Variants in GPSM1 observed in about 807,000 individuals in gnomAD.
GPSM1 encodes the protein G protein signaling modulator 1.
In GPSM1, 48 loss-of-function variants were observed where a neutral mutation model predicts 70.5. The ratio of observed to expected loss-of-function variants is 0.68; its 90% CI spans 0.54 to 0.87. The LOEUF is 0.87. Among genes scored for constraint, GPSM1 ranks in the 40% least tolerant of loss-of-function variants. The pLI is 0.00. For missense variants in GPSM1, 981 were observed against 972.6 expected, an observed-to-expected ratio of 1.01 and a Z score of -0.11; for synonymous variants, 416 against 430.1, an observed-to-expected ratio of 0.97 and a Z score of 0.41.
Position 136,334,567 on chromosome 9 carries a change from G to A in GPSM1, c.189G>A (p.Lys63=), listed in dbSNP as rs782268281. ...AAVQVGTEDL[K]TLSAIYSQLG... is the part of the protein sequence containing the mutation. ...TGCAGGTGGGCACCGAGGACCTGAAGACACTGAGTGCCATCTACAGCCAGC... is the reference window on the plus strand; with the variant it reads ...TGCAGGTGGGCACCGAGGACCTGAAAACACTGAGTGCCATCTACAGCCAGC... The change falls in exon 2 of 14, where the codon AAG becomes AAA. Residue 63 remains lysine, a synonymous_variant. Coordinates refer to ENST00000440944, the MANE Select transcript of GPSM1 (RefSeq NM_001145638.3). The A allele has an allele frequency of 1.9e-6, 3 of 1,613,418 alleles. No individual in the cohort carries two copies. Among genetic ancestry groups the A allele is most frequent in the Non-Finnish European group, 1.7e-6 (2 of 1,179,996 alleles).
intron 9 of GPSM1, among the ~76,000 whole-genome samples, chr9:136,344,167 G>A (rs1832461859): frequency 6.7e-6 from 1 of 148,424 alleles, no homozygotes; most frequent in African/African-American, 2.5e-5. Context: ...GACAGGATCG[G>A]GGGGAGGCGC....
chr9:136,331,661 A>G (rs1832103387), intron 1 of GPSM1, among the ~76,000 whole-genome samples: 1 of 152,178 alleles, frequency 6.6e-6, no homozygotes, highest in Non-Finnish European at 1.5e-5. Context: ...CCCCGCTGGG[A>G]ACTGGATAAA....
chr9:136,356,220 A>T (rs1432594498), intron 12 of GPSM1, 122 bp from the exon 13 acceptor site: 2 of 777,590 alleles, frequency 2.6e-6, no homozygotes, highest in African/African-American at 3.5e-5. Context: ...CCCAGGAGCC[A>T]TGGCCCCAGC....
chr9:136,340,734 G>A lies in GPSM1; in HGVS notation c.1084-136G>A. 7.9e-7 allele frequency: 1 copy of A among 1,265,624 alleles called. No individual in the cohort carries two copies. Among genetic ancestry groups the A allele is most frequent in the Admixed American group, 2.9e-5 (1 of 35,038 alleles). The allele number at this position is 1,265,624 out of a possible 1,614,324, so 78.4% of individuals were successfully genotyped here. ...CACAGTGAGTCCTGGTTCCCTCAGA[G>A]GCCCAGGGGTCAGTGACCAGTTCAG... On this transcript the variant is annotated intron_variant, in intron 8 of 13. Transcript: ENST00000440944. The surrounding 1 kb of genome is among the most constrained non-coding windows in gnomAD (Gnocchi z 7.3).
rs781931180 is a variant in GPSM1 at position 136,340,872 on chromosome 9, C to T, written c.1086C>T (p.Ile362=). ...AKKHLQISQE[I]GDRHGELTAR... is the part of the protein sequence containing the mutation. ...CTCCGCCACCCCACTCGCCGCAGAT[C>T]GGGGACCGCCATGGGGAGCTCACGG... The change falls in exon 9 of 14, where the codon ATC becomes ATT. Residue 362 remains isoleucine (I), a splice_region_variant and synonymous_variant. Coordinates refer to ENST00000440944, the MANE Select transcript of GPSM1 (RefSeq NM_001145638.3). This position sits in a 1 kb window ranked among gnomAD's most constrained non-coding sequence, Gnocchi z 7.3. 3.1e-5 allele frequency: 48 copies of T among 1,570,458 alleles called. No homozygotes were observed. The highest frequency in any genetic ancestry group is 2.8e-4 in the African/African-American group (21 of 73,966).
At position 136,341,650 on chromosome 9, in the gene GPSM1, G is replaced by A. The variant is rs879974164; in HGVS notation, c.1207+657G>A. The A allele has an allele frequency of 2.8e-4, 283 of 1,002,664 alleles. No homozygotes were observed. The highest frequency in any genetic ancestry group is 3.2e-4 in the Non-Finnish European group (269 of 839,808). 62.1% of individuals were successfully genotyped at this position (1,002,664 alleles called of 1,614,324 possible). ...TGGGGGGAGCAGCTGCCCCACCCATGTGTCCCCCACTCCCAAAGGTCTTGA... is the reference window on the plus strand; with the variant it reads ...TGGGGGGAGCAGCTGCCCCACCCATATGTCCCCCACTCCCAAAGGTCTTGA... On this transcript the variant is annotated intron_variant, in intron 9 of 13. Transcript: ENST00000440944. The surrounding 1 kb of genome is among the most constrained non-coding windows in gnomAD (Gnocchi z 6.7).
Position 136,336,751 on chromosome 9 carries a change from G to A in GPSM1, c.427-170G>A, listed in dbSNP as rs571315056. 1.4e-4 allele frequency among the ~76,000 whole-genome samples: 22 copies of A among 152,248 alleles called. No homozygotes were observed. The South Asian group carries it at 3.7e-3, about 26-fold the overall frequency. The stretch of plus-strand genomic sequence containing the variant: ...GAGGGAGGGCGGAGGCTGGCTTCCC[G>A]GGTGTGCCGTCCTCAGGCTTCCGCC... On this transcript the variant is annotated intron_variant, in intron 3 of 13. Transcript: ENST00000440944.
At position 136,342,520 on chromosome 9, in the gene GPSM1, G is replaced by GC; in HGVS notation, c.1207+1530dup. On this transcript the variant is annotated intron_variant, in intron 9 of 13. Transcript: ENST00000440944. The surrounding 1 kb of genome is among the most constrained non-coding windows in gnomAD (Gnocchi z 5.5). Reference sequence around the variant, plus strand: ...GGGCTGGGGAAGGGTCCTCCTCCCCGCCCAGGGCAGCCCGGCAGCCTGGCT... The same window carrying GC: ...GGGCTGGGGAAGGGTCCTCCTCCCCGCCCCAGGGCAGCCCGGCAGCCTGGCT... Among the ~76,000 whole-genome samples, 1 of 152,064 alleles carries GC rather than the reference G, an allele frequency of 6.6e-6. No individual in the cohort carries two copies. The highest frequency in any genetic ancestry group is 2.4e-5 in the African/African-American group (1 of 41,482).
At chr9:136,338,788 G>A (rs1832315853) in intron 7 of GPSM1, 78 bp downstream of exon 7, 5 of 1,396,218 alleles carry the variant, frequency 3.6e-6, no homozygotes, top group Non-Finnish European at 4.8e-6. Flanking sequence ...GAGGTGGCCT[G>A]GGTCCCATCC....
intron 1 of GPSM1, among the ~76,000 whole-genome samples, chr9:136,330,132 C>A (rs1427188087): frequency 1.3e-5 from 2 of 152,080 alleles, no homozygotes; most frequent in Admixed American, 1.3e-4. Flanking sequence ...GAGAAGGCCC[C>A]GGAAAGTGGG....
chr9:136,358,898 G>A lies in GPSM1; in HGVS notation c.*678G>A, dbSNP rs534987513. 6.6e-6 allele frequency: 1 copy of A among 152,498 alleles called. No homozygotes were observed. Among genetic ancestry groups the A allele is most frequent in the African/African-American group, 2.4e-5 (1 of 41,470 alleles). The allele number at this position is 152,498 out of a possible 1,614,324, so 9.4% of individuals were successfully genotyped here. ...TAAAGCAGAGGGAATGGCTGGGCAT[G>A]AACTTCGACATTCCAAAACCCCAAG... On this transcript the variant is annotated 3_prime_UTR_variant, in exon 14 of 14. Coordinates refer to ENST00000440944, the MANE Select transcript of GPSM1 (RefSeq NM_001145638.3).
intron 1 of GPSM1, 84 bp from the exon 2 acceptor site, chr9:136,334,363 C>T (rs1189786260): frequency 9.6e-6 from 9 of 936,916 alleles, no homozygotes; most frequent in African/African-American, 1.6e-5. Flanking sequence ...CCAGGGGCGT[C>T]GTCTGTAGTG....
At chr9:136,337,383 TG>T in intron 4 of GPSM1, 57 bp from the exon 5 acceptor site, 1 of 1,550,826 alleles carries the variant, frequency 6.4e-7, no homozygotes, top group Non-Finnish European at 8.7e-7. Context: ...TCTTCTAGCC[TG>T]GGGTGGGTGA....
intron 7 of GPSM1, 41 bp from the exon 8 acceptor site, chr9:136,339,666 C>G (rs1209398091): frequency 1.5e-6 from 2 of 1,370,488 alleles, no homozygotes; most frequent in African/African-American, 2.9e-5. Flanking sequence ...GGGGGCTGGC[C>G]TGGAGAGGGC....
chr9:136,357,911 C>A, intron 13 of GPSM1, 103 bp from the exon 14 acceptor site: 1 of 867,490 alleles, frequency 1.2e-6, no homozygotes, highest in South Asian at 1.4e-5. Context: ...CAGGGGGAAG[C>A]CCGTGAACAG....
chr9:136,338,035 C>T, intron 6 of GPSM1, 74 bp downstream of exon 6: 1 of 978,592 alleles, frequency 1.0e-6, no homozygotes, highest in Non-Finnish European at 1.5e-6. Flanking sequence ...GAAGTGCCCG[C>T]CCCAAGCTGG....
At position 136,342,818 on chromosome 9, in the gene GPSM1, G is replaced by C. The variant is rs1333964940; in HGVS notation, c.1207+1825G>C. Among the ~76,000 whole-genome samples, 1 of 152,144 alleles carries C rather than the reference G, an allele frequency of 6.6e-6. No homozygotes were observed. Among genetic ancestry groups the C allele is most frequent in the Non-Finnish European group, 1.5e-5 (1 of 68,000 alleles). On this transcript the variant is annotated intron_variant, in intron 9 of 13. Transcript: ENST00000440944. The surrounding 1 kb of genome is among the most constrained non-coding windows in gnomAD (Gnocchi z 5.5). ...CTGGCCGTGCGGAGGGGGCGCCAGG[G>C]CTGGGGGCACAGGAGGGCGCTGCCC...
chr9:136,357,085 G>T (rs982686197), intron 13 of GPSM1, among the ~76,000 whole-genome samples: 6 of 152,296 alleles, frequency 3.9e-5, no homozygotes, highest in Non-Finnish European at 7.4e-5. Flanking sequence ...TGGCAGCCAC[G>T]CCAGGAATGA....
intron 1 of GPSM1, among the ~76,000 whole-genome samples, chr9:136,332,643 G>A (rs1832128676): frequency 6.6e-6 from 1 of 152,160 alleles, no homozygotes; most frequent in East Asian, 1.9e-4. Context: ...GATGGGGCTT[G>A]GCTGGTTGTC....
Sources: allele counts gnomAD v4.1 joint callset (sites outside exome capture counted in the v4.1 genomes callset), GRCh38; gene constraint gnomAD v4.1.1; non-coding constraint Gnocchi (gnomAD v3.1); transcripts MANE v1.5; gene names NCBI Gene and HGNC (gene_info 2026-07-23, HGNC 2026-07-21).